MAPK12: variants seen among roughly 807,000 people sequenced by gnomAD.
MAPK12 encodes MAP kinase 12.
MAPK12 carries 49 observed loss-of-function variants against 49.1 expected under a neutral mutation model. That is an observed-to-expected ratio of 1.00 (90% CI 0.79 to 1.27). MAPK12 has a LOEUF of 1.27. Ranked by LOEUF, MAPK12 falls within the 50% of genes most tolerant of loss-of-function variation. MAPK12 has a pLI of 0.00. For missense variants in MAPK12, 554 were observed against 502.4 expected (o/e 1.10, Z -0.98); for synonymous variants, 251 against 209.7 (o/e 1.20, Z -1.70).
intron 2 of MAPK12, among the ~76,000 whole-genome samples, chr22:50,259,995 G>A (rs2065193903): frequency 1.4e-5 from 2 of 144,878 alleles, no homozygotes; most frequent in South Asian, 4.7e-4. Flanking sequence ...CTGCAGTCCT[G>A]GGGCAAGGCC....
chr22:50,257,283 C>T (rs961063528), intron 3 of MAPK12, 90 bp from the exon 4 acceptor site: 5 of 1,000,080 alleles, frequency 5.0e-6, no homozygotes, highest in South Asian at 4.0e-5. Context: ...AGACCCGTCC[C>T]GGATCCAACA....
Position 50,257,179 on chromosome 22 carries a change from G to A in MAPK12, c.329C>T (p.Pro110Leu), listed in dbSNP as rs757514255. 5.0e-6 allele frequency: 8 copies of A among 1,612,192 alleles called. No homozygotes were observed. Among genetic ancestry groups the A allele is most frequent in the East Asian group, 2.2e-5 (1 of 44,890 alleles). ...DDFTDFYLVM[P>L]FMGTDLGKLM... ...CTTGCCCAGGTCGGTGCCCATGAAC[G>A]GCATCACCAGGTAACTGTGGGAGGG... The change falls in exon 4 of 12, where the codon CCG (proline) becomes CTG (leucine). Residue 110 changes from proline (P) to leucine (L), a missense_variant. Transcript: ENST00000215659.
chr22:50,261,054 G>A (rs1601647368), intron 2 of MAPK12, 113 bp downstream of exon 2: 3 of 1,253,420 alleles, frequency 2.4e-6, no homozygotes, highest in Non-Finnish European at 3.1e-6. Context: ...CCCGACCCCC[G>A]CCCGGCCCCA....
Position 50,258,266 on chromosome 22 carries a change from C to G in MAPK12, c.291G>C (p.Glu97Asp), listed in dbSNP as rs1425754679. The G allele has an allele frequency of 1.2e-6, 2 of 1,613,178 alleles. No individual in the cohort carries two copies. Among genetic ancestry groups the G allele is most frequent in the South Asian group, 2.2e-5 (2 of 91,084 alleles). Reference protein sequence around the residue: ...IGLLDVFTPDETLDDFTDFYL... With the variant: ...IGLLDVFTPDDTLDDFTDFYL... ...ACAAGTCCGTGAAGTCATCCAGGGT[C>G]TCATCAGGAGTGAATACGTCCAGCA... The change falls in exon 3 of 12, where the codon GAG becomes GAC. Residue 97 changes from glutamate to aspartate, a missense_variant. Glu to Asp is a conservative substitution (Grantham distance 45). Coordinates refer to ENST00000215659, the MANE Select transcript of MAPK12 (RefSeq NM_002969.6).
chr22:50,259,009 A>G (rs1569143659), intron 2 of MAPK12, among the ~76,000 whole-genome samples: 1 of 152,204 alleles, frequency 6.6e-6, no homozygotes, highest in Non-Finnish European at 1.5e-5. Context: ...GGGGCTGAGG[A>G]GAGGCCAGAG....
At chr22:50,256,815 G>A (rs1416602425) in intron 5 of MAPK12, 120 bp downstream of exon 5, 1 of 1,520,808 alleles carries the variant, frequency 6.6e-7, no homozygotes, top group East Asian at 2.3e-5. Flanking sequence ...TTCCCACCAG[G>A]GGCTGTGCAT....
intron 3 of MAPK12, chr22:50,257,674 G>T: frequency 1.7e-6 from 1 of 595,032 alleles, no homozygotes; most frequent in South Asian, 2.0e-5. Context: ...GGCCGGTGGA[G>T]ACAGACACAG....
intron 2 of MAPK12, 42 bp downstream of exon 2, chr22:50,261,125 C>G: frequency 2.6e-6 from 4 of 1,533,666 alleles, no homozygotes; most frequent in East Asian, 2.6e-5. Flanking sequence ...TGAACCAAGC[C>G]GAGGCCGCGG....
chr22:50,256,689 A>G (rs1412703564), intron 5 of MAPK12, 43 bp from the exon 6 acceptor site: 1 of 1,587,090 alleles, frequency 6.3e-7, no homozygotes, highest in African/African-American at 1.4e-5. Flanking sequence ...CACCCTCCCA[A>G]GCATGGGCAC....
chr22:50,256,761 C>T, intron 5 of MAPK12, 115 bp from the exon 6 acceptor site: 2 of 1,521,464 alleles, frequency 1.3e-6, no homozygotes, highest in Non-Finnish European at 1.8e-6. Flanking sequence ...TTGCTCTCTG[C>T]AGCCCTTCAA....
chr22:50,253,670 G>T, intron 11 of MAPK12, 190 bp from the exon 12 acceptor site: 1 of 598,460 alleles, frequency 1.7e-6, no homozygotes, highest in Non-Finnish European at 3.0e-6. Flanking sequence ...CCAGGGAAAG[G>T]GGAGGTGGCC....
At position 50,255,326 on chromosome 22, in the gene MAPK12, G is replaced by C; in HGVS notation, c.895C>G (p.Arg299Gly). 6.2e-7 allele frequency: 1 copy of C among 1,613,530 alleles called. No homozygotes were observed. Among genetic ancestry groups the C allele is most frequent in the South Asian group, 1.1e-5 (1 of 91,084 alleles). The part of the protein sequence containing the change: ...EKMLVLDAEQ[R>G]VTAGEALAHP... ...GCCAGCGCCTCGCCTGCCGTCACCC[G>C]CTGCTCCGCGTCCAGCACCAGCATC... is the stretch of plus-strand genomic sequence containing the variant. The change falls in exon 11 of 12, where the codon CGG (arginine) becomes GGG (glycine). Residue 299 changes from arginine (R) to glycine (G), a missense_variant. Arg to Gly is a moderately radical substitution (Grantham distance 125, BLOSUM62 -2). Coordinates refer to ENST00000215659, the MANE Select transcript of MAPK12 (RefSeq NM_002969.6).
intron 3 of MAPK12, chr22:50,258,032 A>G (rs2065169281): frequency 1.4e-6 from 1 of 723,836 alleles, no homozygotes; most frequent in Admixed American, 2.0e-5. Flanking sequence ...CAGCAGCCCC[A>G]GCTCTGCCCA....
chr22:50,260,711 G>A, intron 2 of MAPK12: 1 of 153,790 alleles, frequency 6.5e-6, no homozygotes. Flanking sequence ...CCACCGGGTC[G>A]GAAGACTCGG....
chr22:50,258,254 G>A lies in MAPK12; in HGVS notation c.303C>T (p.Asp101=), dbSNP rs376610914. The change falls in exon 3 of 12, where the codon GAC becomes GAT. Residue 101 remains aspartate, a synonymous_variant. Transcript: ENST00000215659. ...AGGTCGGCACTCACAAGTCCGTGAAGTCATCCAGGGTCTCATCAGGAGTGA... is the reference window on the plus strand; with the variant it reads ...AGGTCGGCACTCACAAGTCCGTGAAATCATCCAGGGTCTCATCAGGAGTGA... The part of the protein sequence containing the change: ...DVFTPDETLD[D]FTDFYLVMPF... The A allele has an allele frequency of 6.2e-7, 1 of 1,613,050 alleles. No individual in the cohort carries two copies. Among genetic ancestry groups the A allele is most frequent in the Non-Finnish European group, 8.5e-7 (1 of 1,180,010 alleles).
intron 2 of MAPK12, among the ~76,000 whole-genome samples, chr22:50,259,338 G>A (rs1481859451): frequency 6.6e-6 from 1 of 152,104 alleles, no homozygotes; most frequent in Non-Finnish European, 1.5e-5. Context: ...GGTCCTGTGG[G>A]CTAGGGGCCA....
chr22:50,257,255 C>T (rs1156619008), intron 3 of MAPK12, 62 bp from the exon 4 acceptor site: 2 of 1,330,840 alleles, frequency 1.5e-6, no homozygotes, highest in East Asian at 2.3e-5. Flanking sequence ...CAGAGACCCA[C>T]CCAGCAGGCC....
intron 11 of MAPK12, 23 bp downstream of exon 11, chr22:50,255,174 C>G (rs754485710): frequency 6.2e-7 from 1 of 1,613,054 alleles, no homozygotes; most frequent in East Asian, 2.2e-5. Context: ...CCACACAGGC[C>G]GTGCCAGGAG....
Position 50,255,301 on chromosome 22 carries a change from G to T in MAPK12, c.920C>A (p.Ala307Asp). 6.2e-7 allele frequency: 1 copy of T among 1,613,548 alleles called. No individual in the cohort carries two copies. The highest frequency in any genetic ancestry group is 8.5e-7 in the Non-Finnish European group (1 of 1,180,020). Residue 307 changes from alanine to aspartate, a missense_variant, in exon 11 of 12, where the codon GCC becomes GAC. By Grantham distance (126) the Ala-to-Asp change is moderately radical. Transcript: ENST00000215659. Reference sequence around the variant, plus strand: ...GTGCAGGGACTCGAAGTAGGGATGGGCCAGCGCCTCGCCTGCCGTCACCCG... The same window carrying T: ...GTGCAGGGACTCGAAGTAGGGATGGTCCAGCGCCTCGCCTGCCGTCACCCG... Reference protein sequence around the residue: ...EQRVTAGEALAHPYFESLHDT... With the variant: ...EQRVTAGEALDHPYFESLHDT...
Sources: gnomAD v4.1 joint callset for allele counts (sites outside exome capture counted in the v4.1 genomes callset) on GRCh38, gnomAD v4.1.1 for gene constraint, MANE v1.5 for transcripts, NCBI Gene and HGNC (gene_info 2026-07-23, HGNC 2026-07-21) for gene names.